Variants in FAAH2 observed in about 807,000 individuals in gnomAD.
FAAH2 encodes the protein fatty acid amide hydrolase 2.
FAAH2 carries 60 observed loss-of-function variants against 36.9 expected under a neutral mutation model. That is an observed-to-expected ratio of 1.63 (90% CI 1.32 to 2.02). The LOEUF is 2.02. Ranked by LOEUF, FAAH2 falls within the 30% of genes most tolerant of loss-of-function variation. FAAH2 has a pLI of 0.00. For synonymous variants in FAAH2, 214 were observed against 143.8 expected (o/e 1.49, Z -3.49); for missense variants, 689 against 397.5 (o/e 1.73, Z -6.23).
At chrX:57,424,112 G>A (rs1409402203) in intron 7 of FAAH2, among the ~76,000 whole-genome samples, 1 of 111,869 alleles carries the variant, frequency 8.9e-6, no homozygotes, top group Non-Finnish European at 1.9e-5. Flanking sequence ...ACTACAATTG[G>A]CATTTGAGAA....
At chrX:57,234,888 A>C in the FAAH2 span, among the ~76,000 whole-genome samples, 2 of 111,749 alleles carry the variant, frequency 1.8e-5, no homozygotes, top group South Asian at 7.5e-4. Context: ...AAATACAAAA[A>C]TTAACCGAGC....
intron 7 of FAAH2, among the ~76,000 whole-genome samples, chrX:57,427,688 T>C (rs1272783750): frequency 2.7e-5 from 3 of 111,573 alleles, no homozygotes; most frequent in East Asian, 5.6e-4. Context: ...AGAAAAAAAT[T>C]AATAGAATTC....
chrX:57,125,199 G>T, the FAAH2 span, among the ~76,000 whole-genome samples: 1 of 112,892 alleles, frequency 8.9e-6, no homozygotes, highest in Admixed American at 9.3e-5. Context: ...AATTTATTGA[G>T]AGTTTTTAGC....
the FAAH2 span, among the ~76,000 whole-genome samples, chrX:57,172,349 G>A: frequency 1.8e-5 from 2 of 111,041 alleles, no homozygotes; most frequent in Admixed American, 1.9e-4. Context: ...GGAGTGGCTC[G>A]TTTCTTCAGT....
chrX:57,341,221 C>T (rs750804886), intron 4 of FAAH2, 50 bp from the exon 5 acceptor site: 3 of 1,136,116 alleles, frequency 2.6e-6, no homozygotes, highest in South Asian at 4.4e-5. Flanking sequence ...ATATTCCATG[C>T]AAATAGTATA....
At chrX:57,286,501 T>G (rs761248593), upstream of FAAH2, among the ~76,000 whole-genome samples, 16 of 111,159 alleles carry the variant, frequency 1.4e-4, no homozygotes, top group African/African-American at 3.3e-4. Flanking sequence ...GGAGATATAG[T>G]GTAGGTTGGC....
At chrX:57,170,067 C>T in the FAAH2 span, among the ~76,000 whole-genome samples, 1 of 111,801 alleles carries the variant, frequency 8.9e-6, no homozygotes, top group Non-Finnish European at 1.9e-5. Flanking sequence ...AACTCCTGGG[C>T]TCACCCAGTT....
intron 5 of FAAH2, among the ~76,000 whole-genome samples, chrX:57,378,108 G>A (rs182438691): frequency 4.7e-4 from 53 of 111,724 alleles, no homozygotes; most frequent in African/African-American, 1.6e-3. Context: ...TATCCATCTG[G>A]CATATTAATT....
At chrX:57,387,209 T>C (rs1193270361) in intron 7 of FAAH2, among the ~76,000 whole-genome samples, 1 of 111,782 alleles carries the variant, frequency 8.9e-6, no homozygotes, top group African/African-American at 3.2e-5. Context: ...CTCTTTAAAA[T>C]ATAAAGTTAG....
the FAAH2 span, among the ~76,000 whole-genome samples, chrX:57,177,625 A>G: frequency 1.3e-5 from 1 of 74,172 alleles, no homozygotes; most frequent in Admixed American, 1.5e-4. Flanking sequence ...CCTCCAATAA[A>G]TGAAACCTGA....
chrX:57,187,499 T>A, the FAAH2 span, among the ~76,000 whole-genome samples: 1 of 111,562 alleles, frequency 9.0e-6, no homozygotes, highest in East Asian at 2.8e-4. Flanking sequence ...TATACAATCA[T>A]TTTATCTTCT....
intron 7 of FAAH2, among the ~76,000 whole-genome samples, chrX:57,386,428 G>GAACC (rs1338799808): frequency 9.9e-6 from 1 of 100,875 alleles, no homozygotes; most frequent in Non-Finnish European, 2.2e-5. Context: ...AATGCTAGTG[G>GAACC]CAAAGCAAAT....
chrX:57,310,871 G>A, intron 3 of FAAH2, 142 bp downstream of exon 3: 2 of 642,848 alleles, frequency 3.1e-6, no homozygotes, highest in East Asian at 3.8e-5. Flanking sequence ...GAAATATTCA[G>A]CAAGTTCCAT....
chrX:57,396,608 C>A (rs1008470641), intron 7 of FAAH2, among the ~76,000 whole-genome samples: 1 of 111,340 alleles, frequency 9.0e-6, no homozygotes, highest in African/African-American at 3.3e-5. Flanking sequence ...CATGCAGGAG[C>A]AAGTTATTTA....
At chrX:57,332,076 G>T (rs1041032949) in intron 4 of FAAH2, among the ~76,000 whole-genome samples, 1 of 111,817 alleles carries the variant, frequency 8.9e-6, no homozygotes, top group Non-Finnish European at 1.9e-5. Flanking sequence ...ATCGTAAAGT[G>T]TTTAGAGACT....
the FAAH2 span, among the ~76,000 whole-genome samples, chrX:57,227,969 G>T: frequency 9.0e-6 from 1 of 111,670 alleles, no homozygotes; most frequent in Non-Finnish European, 1.9e-5. Context: ...CACTCAAACC[G>T]AAGGGCTGGT....
chrX:57,216,558 A>ATG, the FAAH2 span, among the ~76,000 whole-genome samples: 437 of 58,598 alleles, frequency 7.5e-3, 14 homozygotes, highest in Non-Finnish European at 6.7e-3. Flanking sequence ...ATGTATATAT[A>ATG]TATATACGTA....
chrX:57,125,067 A>G, the FAAH2 span, among the ~76,000 whole-genome samples: 6 of 112,777 alleles, frequency 5.3e-5, no homozygotes, highest in African/African-American at 1.9e-4. Context: ...GAGAGAGGGC[A>G]TCCCTGTCTT....
intron 2 of FAAH2, 140 bp downstream of exon 2, chrX:57,292,720 T>C: frequency 2.3e-6 from 1 of 441,050 alleles, no homozygotes; most frequent in Non-Finnish European, 3.7e-6. Flanking sequence ...CTCTGACTTC[T>C]AATTTCAGTA....
Sources: allele counts gnomAD v4.1 joint callset (sites outside exome capture counted in the v4.1 genomes callset), GRCh38; gene constraint gnomAD v4.1.1; transcripts MANE v1.5; gene names NCBI Gene and HGNC (gene_info 2026-07-23, HGNC 2026-07-21).